The following KCNH7 variants were observed in gnomAD, a reference collection of about 807,000 sequenced individuals.
KCNH7 encodes the protein voltage-gated inwardly rectifying potassium channel KCNH7.
KCNH7 carries 49 observed loss-of-function variants against 120.8 expected under a neutral mutation model. That is an observed-to-expected ratio of 0.41 (90% CI 0.32 to 0.51). KCNH7 has a LOEUF of 0.51. Ranked by LOEUF, KCNH7 falls within the 20% of genes least tolerant of loss-of-function variation. The pLI, the probability that KCNH7 is intolerant of heterozygous loss-of-function variation, is 0.38. For synonymous variants in KCNH7, 547 were observed against 516.1 expected (o/e 1.06, Z -0.81); for missense variants, 1,097 against 1,446.6 (o/e 0.76, Z 3.92).
chr2:162,515,631 T>C (rs1011897780), intron 4 of KCNH7, among the ~76,000 whole-genome samples: 4 of 151,774 alleles, frequency 2.6e-5, no homozygotes, highest in Non-Finnish European at 4.4e-5. Context: ...TGAATTACCA[T>C]ATTGAATTTA....
chr2:162,626,325 C>G (rs1225495789), intron 2 of KCNH7, among the ~76,000 whole-genome samples: 1 of 152,048 alleles, frequency 6.6e-6, no homozygotes, highest in Non-Finnish European at 1.5e-5. Context: ...ATCTTATAAC[C>G]ATTTTAAGTC....
At chr2:162,521,497 C>T (rs1207006232) in intron 3 of KCNH7, among the ~76,000 whole-genome samples, 1 of 151,804 alleles carries the variant, frequency 6.6e-6, no homozygotes, top group Non-Finnish European at 1.5e-5. Context: ...ATGTAAAACA[C>T]CTGTTACAGA....
In KCNH7 at chr2:162,650,884, C is replaced by G. The variant is rs573741767; in HGVS notation, c.308-113804G>C. On this transcript the variant is annotated intron_variant, in intron 2 of 15. Coordinates refer to ENST00000332142, the MANE Select transcript of KCNH7 (RefSeq NM_033272.4). ...AGAAGAGCCTGTGAACTCACTGAGG[C>G]TCTGTCAGCAGGTAGGTACGTATAA... 1.2e-4 allele frequency among the ~76,000 whole-genome samples: 19 copies of G among 152,262 alleles called. No individual in the cohort carries two copies. In the East Asian group the frequency reaches 3.5e-3, roughly 28 times the overall value.
At chr2:162,805,737 C>T (rs1684516336) in intron 2 of KCNH7, among the ~76,000 whole-genome samples, 1 of 152,168 alleles carries the variant, frequency 6.6e-6, no homozygotes, top group East Asian at 1.9e-4. Context: ...TACTGGATAT[C>T]TATCCAAATG....
intron 2 of KCNH7, among the ~76,000 whole-genome samples, chr2:162,646,860 T>C (rs1684376219): frequency 1.3e-5 from 2 of 152,188 alleles, no homozygotes; most frequent in Non-Finnish European, 1.5e-5. Context: ...CCAGGCTGGG[T>C]AACATCTTGA....
At chr2:162,757,681 G>GA (rs978310594) in intron 2 of KCNH7, among the ~76,000 whole-genome samples, 7 of 151,470 alleles carry the variant, frequency 4.6e-5, no homozygotes, top group South Asian at 2.1e-4. Context: ...AGAATGACAT[G>GA]AAAAAAAAAT....
chr2:162,677,570 A>G (rs1218177385), intron 2 of KCNH7, among the ~76,000 whole-genome samples: 3 of 151,436 alleles, frequency 2.0e-5, no homozygotes, highest in Non-Finnish European at 4.4e-5. Context: ...CAACATGTTT[A>G]TCTATTGTAC....
chr2:162,730,173 G>C (rs2105390242), intron 2 of KCNH7, among the ~76,000 whole-genome samples: 2 of 150,022 alleles, frequency 1.3e-5, no homozygotes, highest in South Asian at 4.2e-4. Context: ...AAATATGAAA[G>C]AGAAATTAAG....
chr2:162,431,322 T>C (rs1688058835), intron 8 of KCNH7, among the ~76,000 whole-genome samples: 1 of 151,974 alleles, frequency 6.6e-6, no homozygotes, highest in Non-Finnish European at 1.5e-5. Context: ...TTTTATCACA[T>C]TTTTTGTTAT....
intron 8 of KCNH7, among the ~76,000 whole-genome samples, chr2:162,430,220 C>A (rs950894402): frequency 1.3e-5 from 2 of 151,874 alleles, no homozygotes; most frequent in Admixed American, 6.6e-5. Context: ...AAGGGTTTTC[C>A]TTTCTGCTGG....
chr2:162,765,156 A>G (rs924380260), intron 2 of KCNH7, among the ~76,000 whole-genome samples: 1 of 152,178 alleles, frequency 6.6e-6, no homozygotes, highest in African/African-American at 2.4e-5. Context: ...CCTACTCTTC[A>G]GGGAACAAGG....
intron 2 of KCNH7, among the ~76,000 whole-genome samples, chr2:162,588,435 G>A (rs1694093627): frequency 6.6e-6 from 1 of 151,902 alleles, no homozygotes; most frequent in Admixed American, 6.6e-5. Flanking sequence ...TATTACTATG[G>A]TCTTTTCCTT....
Position 162,838,737 on chromosome 2 carries a change from C to G in KCNH7, c.-219G>C, listed in dbSNP as rs987042564. ...TCACCTTCCGGAGGGGGCCTCGCACCGGACTGCCGCGGGTGAGAGGGTTTG... is the reference window on the plus strand; with the variant it reads ...TCACCTTCCGGAGGGGGCCTCGCACGGGACTGCCGCGGGTGAGAGGGTTTG... On this transcript the variant is annotated 5_prime_UTR_variant, in exon 1 of 16. Coordinates refer to ENST00000332142, the MANE Select transcript of KCNH7 (RefSeq NM_033272.4). 22 of 210,976 alleles carry G rather than the reference C, an allele frequency of 1.0e-4. No individual in the cohort carries two copies. Among genetic ancestry groups the G allele is most frequent in the Non-Finnish European group, 2.0e-4 (21 of 105,174 alleles). The allele number at this position is 210,976 out of a possible 1,614,324, so 13.1% of individuals were successfully genotyped here.
intron 2 of KCNH7, among the ~76,000 whole-genome samples, chr2:162,812,260 T>G (rs1380958346): frequency 6.6e-6 from 1 of 151,910 alleles, no homozygotes; most frequent in Admixed American, 6.6e-5. Flanking sequence ...TGAGGAAAAG[T>G]GACACAGTGA....
chr2:162,511,087 A>G (rs1246420326), intron 5 of KCNH7, among the ~76,000 whole-genome samples: 1 of 151,732 alleles, frequency 6.6e-6, no homozygotes, highest in East Asian at 1.9e-4. Flanking sequence ...TCTGAAATCT[A>G]TGTAATAAAT....
intron 2 of KCNH7, among the ~76,000 whole-genome samples, chr2:162,570,335 A>G (rs1693422019): frequency 6.6e-6 from 1 of 151,750 alleles, no homozygotes; most frequent in South Asian, 2.1e-4. Flanking sequence ...CTGTTTTATC[A>G]GAGACTAGGA....
chr2:162,713,999 C>T (rs1574297239), intron 2 of KCNH7, among the ~76,000 whole-genome samples: 1 of 152,196 alleles, frequency 6.6e-6, no homozygotes, highest in Admixed American at 6.5e-5. Context: ...TCCACCGCCT[C>T]GGCCTCCCAA....
intron 2 of KCNH7, among the ~76,000 whole-genome samples, chr2:162,772,147 G>A (rs1466646255): frequency 6.6e-6 from 1 of 152,112 alleles, no homozygotes; most frequent in Admixed American, 6.5e-5. Flanking sequence ...TAACCCTCTT[G>A]TAGTTAGATT....
At chr2:162,684,371 CT>C (rs1369828547) in intron 2 of KCNH7, among the ~76,000 whole-genome samples, 1 of 152,206 alleles carries the variant, frequency 6.6e-6, no homozygotes, top group East Asian at 1.9e-4. Context: ...AACTAAAGAC[CT>C]TCTGTATAGC....
Sources: allele counts gnomAD v4.1 joint callset (sites outside exome capture counted in the v4.1 genomes callset), GRCh38; gene constraint gnomAD v4.1.1; transcripts MANE v1.5; gene names NCBI Gene and HGNC (gene_info 2026-07-23, HGNC 2026-07-21).